The following MAD1L1 variants were observed in gnomAD, a reference collection of about 807,000 sequenced individuals.
MAD1L1 encodes the protein mitotic arrest deficient 1 like 1.
MAD1L1 carries 95 observed loss-of-function variants against 96.9 expected under a neutral mutation model. The ratio of observed to expected loss-of-function variants is 0.98; its 90% confidence interval spans 0.83 to 1.16. The LOEUF is 1.16. Ranked by LOEUF, MAD1L1 falls within the 50% of genes most tolerant of loss-of-function variation. The pLI is 0.00. For missense variants in MAD1L1, 1,007 were observed against 954.4 expected (o/e 1.06, Z -0.73); for synonymous variants, 473 against 396.6 (o/e 1.19, Z -2.29).
chr7:2,058,781 CAGAGA>C (rs1784497633), intron 12 of MAD1L1, among the ~76,000 whole-genome samples: 1 of 104,944 alleles, frequency 9.5e-6, no homozygotes, highest in Non-Finnish European at 1.9e-5. Flanking sequence ...GGAGTGTGGC[CAGAGA>C]AGAGGAGAGG....
At chr7:1,888,350 G>T (rs1786287290) in intron 18 of MAD1L1, among the ~76,000 whole-genome samples, 1 of 145,748 alleles carries the variant, frequency 6.9e-6, no homozygotes, top group East Asian at 2.0e-4. Flanking sequence ...GCCTGTGCAT[G>T]TGTGTGCATG....
intron 16 of MAD1L1, among the ~76,000 whole-genome samples, chr7:1,950,351 C>T (rs1048960993): frequency 4.6e-5 from 7 of 152,182 alleles, no homozygotes; most frequent in African/African-American, 9.7e-5. Flanking sequence ...CCCTCCTGCA[C>T]GTCCCGCGCC....
intron 11 of MAD1L1, among the ~76,000 whole-genome samples, chr7:2,099,743 T>C (rs1382192370): frequency 6.6e-6 from 1 of 152,230 alleles, no homozygotes; most frequent in Non-Finnish European, 1.5e-5. Context: ...CGTGGCTTCC[T>C]GTGAACAGTC....
intron 11 of MAD1L1, among the ~76,000 whole-genome samples, chr7:2,105,307 G>A (rs571345878): frequency 6.6e-6 from 1 of 152,292 alleles, no homozygotes; most frequent in South Asian, 2.1e-4. Context: ...CAGCAGCGAG[G>A]TGGAGTGAGG....
intron 14 of MAD1L1, among the ~76,000 whole-genome samples, chr7:1,996,755 C>G (rs1781579703): frequency 6.6e-6 from 1 of 152,222 alleles, no homozygotes; most frequent in African/African-American, 2.4e-5. Context: ...AATCAGCAAT[C>G]AAGGAAGATG....
At chr7:2,184,468 T>G (rs75475922) in intron 10 of MAD1L1, among the ~76,000 whole-genome samples, 3,430 of 152,210 alleles carry the variant, frequency 0.023, 55 homozygotes, top group Non-Finnish European at 0.034. Flanking sequence ...GAGCATAAAA[T>G]CATACCACCA....
intron 10 of MAD1L1, among the ~76,000 whole-genome samples, chr7:2,189,597 A>G (rs916658102): frequency 6.6e-6 from 1 of 152,222 alleles, no homozygotes. Flanking sequence ...CTGTAGTAAA[A>G]AATCACAGAG....
chr7:1,846,939 G>A (rs1296731520), intron 18 of MAD1L1: 1 of 319,124 alleles, frequency 3.1e-6, no homozygotes, highest in East Asian at 9.6e-5. Flanking sequence ...TATCACGGGA[G>A]GTTCTTCATC....
At chr7:1,852,694 G>A (rs2128641757) in intron 18 of MAD1L1, among the ~76,000 whole-genome samples, 1 of 152,128 alleles carries the variant, frequency 6.6e-6, no homozygotes, top group Non-Finnish European at 1.5e-5. Context: ...ACTGCATTAG[G>A]AAGTAATCAT....
intron 11 of MAD1L1, among the ~76,000 whole-genome samples, chr7:2,127,932 A>G (rs1788311897): frequency 6.6e-6 from 1 of 152,156 alleles, no homozygotes; most frequent in Admixed American, 6.5e-5. Flanking sequence ...GACCTCAAGC[A>G]AGAGACTTCT....
chr7:2,018,237 C>G (rs1346307694), intron 12 of MAD1L1, among the ~76,000 whole-genome samples: 1 of 152,204 alleles, frequency 6.6e-6, no homozygotes, highest in Non-Finnish European at 1.5e-5. Flanking sequence ...AACAAAGAGC[C>G]TCTCTGAGTG....
At chr7:2,121,034 G>A (rs757376731) in intron 11 of MAD1L1, among the ~76,000 whole-genome samples, 65 of 152,310 alleles carry the variant, frequency 4.3e-4, no homozygotes, top group Non-Finnish European at 6.9e-4. Flanking sequence ...AAGTGGAGTC[G>A]CACGGTGACG....
At chr7:1,871,964 G>A (rs1785135839) in intron 18 of MAD1L1, among the ~76,000 whole-genome samples, 1 of 152,186 alleles carries the variant, frequency 6.6e-6, no homozygotes, top group African/African-American at 2.4e-5. Context: ...GACAGAGAAA[G>A]CAGAGGGAGG....
At chr7:2,028,874 T>C (rs869090358) in intron 12 of MAD1L1, among the ~76,000 whole-genome samples, 1 of 146,378 alleles carries the variant, frequency 6.8e-6, no homozygotes, top group African/African-American at 2.5e-5. Flanking sequence ...ACAAGAAAAA[T>C]GAAAAAAAAA....
rs756820907 is a variant in MAD1L1 at position 2,222,573 on chromosome 7, A to T, written c.471+2T>A. On this transcript the variant is annotated splice_donor_variant, in intron 5 of 18. Coordinates refer to ENST00000265854, the MANE Select transcript of MAD1L1 (RefSeq NM_001013836.2). LOFTEE classifies it high-confidence loss of function. Reference sequence around the variant, plus strand: ...TCCCTGCGCAGCAGAGGCCCCGCTCACCTCGCCAGCCTGGGCCAGACTGTC... The same window carrying T: ...TCCCTGCGCAGCAGAGGCCCCGCTCTCCTCGCCAGCCTGGGCCAGACTGTC... The T allele has an allele frequency of 2.5e-6, 4 of 1,591,950 alleles. No individual in the cohort carries two copies. The African/African-American group carries it at 5.4e-5, about 21-fold the overall frequency.
At chr7:1,851,547 T>C (rs1783978676) in intron 18 of MAD1L1, among the ~76,000 whole-genome samples, 1 of 152,116 alleles carries the variant, frequency 6.6e-6, no homozygotes, top group African/African-American at 2.4e-5. Flanking sequence ...ACAGCACGGC[T>C]AGTCTGAAAA....
intron 3 of MAD1L1, among the ~76,000 whole-genome samples, chr7:2,227,709 G>C (rs1584604398): frequency 6.6e-6 from 1 of 152,200 alleles, no homozygotes; most frequent in East Asian, 1.9e-4. Flanking sequence ...AGCTGCTGCT[G>C]TTTGGGCGTT....
rs34140186 is a variant in MAD1L1, at chr7:2,069,319, C to T, written c.1093G>A (p.Ala365Thr). ...AGCTCCTCCTGCAGCTGCTGCCTGG[C>T]CTTCTCCAGCCCCCGGGCGCTGCAT... ...VTSSARGLEK[A>T]RQQLQEELRQ... Residue 365 changes from alanine (A) to threonine (T), a missense_variant, in exon 12 of 19, where the codon GCC becomes ACC. Transcript: ENST00000265854. 2.6e-5 allele frequency: 42 copies of T among 1,603,532 alleles called. No homozygotes were observed. In the African/African-American group the frequency reaches 5.2e-4, roughly 20 times the overall value.
At chr7:1,960,021 A>T (rs1583920517) in intron 15 of MAD1L1, among the ~76,000 whole-genome samples, 5 of 152,346 alleles carry the variant, frequency 3.3e-5, no homozygotes, top group Middle Eastern at 6.8e-3. Flanking sequence ...AAAATGTATG[A>T]CAACAGTATA....
Sources: allele counts gnomAD v4.1 joint callset (sites outside exome capture counted in the v4.1 genomes callset), GRCh38; gene constraint gnomAD v4.1.1; transcripts MANE v1.5; gene names NCBI Gene and HGNC (gene_info 2026-07-23, HGNC 2026-07-21).